Variants in KIAA1958 observed in about 807,000 individuals in gnomAD.
KIAA1958 encodes the protein uncharacterized protein KIAA1958.
Under a neutral mutation model 47.2 loss-of-function variants are expected in KIAA1958, and 14 were observed. That is an observed-to-expected ratio of 0.30 (90% CI 0.20 to 0.46). KIAA1958 has a LOEUF of 0.46. Among genes scored for constraint, KIAA1958 ranks in the 20% least tolerant of loss-of-function variants. The probability of loss-of-function intolerance (pLI) is 1.00; values close to 1 mark genes in which losing one functional copy is unlikely to be tolerated. For missense variants in KIAA1958, 803 were observed against 909.2 expected, an observed-to-expected ratio of 0.88 and a Z score of 1.50; for synonymous variants, 354 against 353.3, an observed-to-expected ratio of 1.00 and a Z score of -0.02.
At chr9:112,650,159 A>C (rs1463827882) in intron 3 of KIAA1958, among the ~76,000 whole-genome samples, 3 of 152,102 alleles carry the variant, frequency 2.0e-5, no homozygotes, top group African/African-American at 7.2e-5. Flanking sequence ...TTTTATATTC[A>C]GAGGAAATAA....
intron 2 of KIAA1958, among the ~76,000 whole-genome samples, chr9:112,621,174 G>T (rs749571230): frequency 1.3e-5 from 2 of 152,184 alleles, no homozygotes; most frequent in Non-Finnish European, 2.9e-5. Context: ...CAAAAGGAAT[G>T]CTGAGTAATC....
At chr9:112,529,884 C>T (rs974638962) in intron 1 of KIAA1958, among the ~76,000 whole-genome samples, 1 of 152,006 alleles carries the variant, frequency 6.6e-6, no homozygotes, top group East Asian at 1.9e-4. Flanking sequence ...CACTCTGTCG[C>T]CCAGGCTGGA....
chr9:112,626,614 C>A (rs535646899), intron 2 of KIAA1958, among the ~76,000 whole-genome samples: 27 of 152,048 alleles, frequency 1.8e-4, no homozygotes, highest in Middle Eastern at 3.5e-3. Context: ...TTCTGTAATT[C>A]TTTTATAAAT....
intron 1 of KIAA1958, among the ~76,000 whole-genome samples, chr9:112,521,932 G>A (rs983045856): frequency 6.7e-6 from 1 of 148,560 alleles, no homozygotes; most frequent in African/African-American, 2.5e-5. Context: ...AATAATCATT[G>A]CTGGGCATAG....
intron 1 of KIAA1958, among the ~76,000 whole-genome samples, chr9:112,537,058 G>A (rs1266810487): frequency 6.6e-6 from 1 of 151,594 alleles, no homozygotes; most frequent in South Asian, 2.1e-4. Context: ...GTGGGACAAG[G>A]TATTTCCTCC....
At position 112,667,719 on chromosome 9, in the gene KIAA1958, T is replaced by C. The variant is rs930366010; in HGVS notation, c.*7650T>C. On this transcript the variant is annotated 3_prime_UTR_variant, in exon 4 of 4. Coordinates refer to ENST00000337530, the MANE Select transcript of KIAA1958 (RefSeq NM_133465.4). ...AGTTGTGACTTTGGAATTTTATACATATTTTATATGTTAAGATACATAATT... is the reference window on the plus strand; with the variant it reads ...AGTTGTGACTTTGGAATTTTATACACATTTTATATGTTAAGATACATAATT... 1 of 152,200 alleles carries C rather than the reference T, an allele frequency of 6.6e-6. No homozygotes were observed. Among genetic ancestry groups the C allele is most frequent in the Non-Finnish European group, 1.5e-5 (1 of 68,030 alleles). 9.4% of individuals were successfully genotyped at this position (152,200 alleles called of 1,614,324 possible). A position where few individuals can be genotyped will look rare whatever the true frequency, so the allele number is the denominator to read the frequency against.
At chr9:112,491,703 A>G (rs911309398) in intron 1 of KIAA1958, among the ~76,000 whole-genome samples, 1 of 152,154 alleles carries the variant, frequency 6.6e-6, no homozygotes, top group Non-Finnish European at 1.5e-5. Flanking sequence ...CTTAACATAC[A>G]CATAACTCTT....
At chr9:112,582,225 T>G (rs1236991585) in intron 2 of KIAA1958, among the ~76,000 whole-genome samples, 1 of 152,200 alleles carries the variant, frequency 6.6e-6, no homozygotes. Context: ...CATTTTTAAA[T>G]GACTAGAGAA....
At chr9:112,531,806 CT>C (rs1321948559) in intron 1 of KIAA1958, among the ~76,000 whole-genome samples, 37 of 152,220 alleles carry the variant, frequency 2.4e-4, no homozygotes, top group Admixed American at 1.2e-3. Flanking sequence ...TGGATTTTCA[CT>C]TTATCCACAC....
At chr9:112,591,122 C>T (rs779864718) in intron 2 of KIAA1958, among the ~76,000 whole-genome samples, 4 of 152,256 alleles carry the variant, frequency 2.6e-5, no homozygotes, top group East Asian at 3.9e-4. Flanking sequence ...CTCGCTCTGT[C>T]GCCCAGGCTG....
At chr9:112,568,235 G>T (rs1835462442) in intron 1 of KIAA1958, among the ~76,000 whole-genome samples, 1 of 152,112 alleles carries the variant, frequency 6.6e-6, no homozygotes, top group African/African-American at 2.4e-5. Context: ...TTACAACTGA[G>T]GTCATCTGAA....
At chr9:112,596,528 G>A (rs1276191015) in intron 2 of KIAA1958, among the ~76,000 whole-genome samples, 1 of 152,100 alleles carries the variant, frequency 6.6e-6, no homozygotes, top group Non-Finnish European at 1.5e-5. Context: ...AGTATAGAAT[G>A]CTAATCCATA....
At chr9:112,595,121 A>C (rs1835995748) in intron 2 of KIAA1958, among the ~76,000 whole-genome samples, 2 of 152,186 alleles carry the variant, frequency 1.3e-5, no homozygotes, top group Admixed American at 1.3e-4. Context: ...CCTGTTTCTG[A>C]CCTCCTTCAT....
In KIAA1958 at chr9:112,515,799, G is replaced by C. The variant is rs555502315; in HGVS notation, c.-25+28681G>C. On this transcript the variant is annotated intron_variant, in intron 1 of 3. Coordinates refer to ENST00000337530, the MANE Select transcript of KIAA1958 (RefSeq NM_133465.4). ...GAAAACCAGAGACCTTTGTTCACTT[G>C]TTTATCTGCTGACCTTCCCTCCACT... Among the ~76,000 whole-genome samples the C allele has an allele frequency of 3.0e-4, 32 of 106,758 alleles. No individual in the cohort carries two copies. In the East Asian group the frequency reaches 8.0e-3, roughly 27 times the overall value. 70.0% of individuals were successfully genotyped at this position (106,758 alleles called of 152,430 possible). A position where few individuals can be genotyped will look rare whatever the true frequency, so the allele number is the denominator to read the frequency against.
At chr9:112,559,247 T>C (rs189299315) in intron 1 of KIAA1958, among the ~76,000 whole-genome samples, 9 of 152,312 alleles carry the variant, frequency 5.9e-5, no homozygotes, top group Admixed American at 2.0e-4. Flanking sequence ...ATTTGTATAT[T>C]AATTGTCTGA....
chr9:112,615,100 A>G (rs1411551391), intron 2 of KIAA1958, among the ~76,000 whole-genome samples: 1 of 152,198 alleles, frequency 6.6e-6, no homozygotes, highest in African/African-American at 2.4e-5. Context: ...ACTTTTGTAA[A>G]AAAGGAGTAG....
intron 1 of KIAA1958, among the ~76,000 whole-genome samples, chr9:112,569,277 T>G (rs931848578): frequency 2.0e-5 from 3 of 152,246 alleles, no homozygotes; most frequent in Admixed American, 2.0e-4. Flanking sequence ...TCATTCTACA[T>G]GTACTCATAC....
intron 2 of KIAA1958, among the ~76,000 whole-genome samples, chr9:112,599,874 TG>T (rs1201400833): frequency 2.6e-5 from 4 of 152,200 alleles, no homozygotes; most frequent in Non-Finnish European, 5.9e-5. Context: ...TCAGTGTCTC[TG>T]GCATATAATA....
Position 112,574,375 on chromosome 9 carries a change from G to T in KIAA1958, c.295G>T (p.Val99Phe). 6.2e-7 allele frequency: 1 copy of T among 1,614,196 alleles called. No homozygotes were observed. The highest frequency in any genetic ancestry group is 1.1e-5 in the South Asian group (1 of 91,080). ...GCCCTCTGAGACACAGACTAGCCCT[G>T]TTGAAAGGTACCCTGGGAGACCAGT... is the stretch of plus-strand genomic sequence containing the variant. ...GVPSETQTSP[V>F]ERYPGRPVKA... Residue 99 changes from valine (V) to phenylalanine (F), a missense_variant, in exon 2 of 4, where the codon GTT (valine) becomes TTT (phenylalanine). Val to Phe is a conservative substitution (Grantham distance 50, BLOSUM62 -1). Transcript: ENST00000337530.
Sources: allele counts gnomAD v4.1 joint callset (sites outside exome capture counted in the v4.1 genomes callset), GRCh38; gene constraint gnomAD v4.1.1; transcripts MANE v1.5; gene names NCBI Gene and HGNC (gene_info 2026-07-23, HGNC 2026-07-21).